EAF2: variants seen among roughly 807,000 people sequenced by gnomAD.
EAF2 encodes ELL-associated factor 2.
A neutral mutation model predicts 29.4 loss-of-function variants in EAF2; 29 were observed. That is an observed-to-expected ratio of 0.99 (90% CI 0.73 to 1.35). EAF2 has a LOEUF of 1.35. Ranked by LOEUF, EAF2 falls within the 40% of genes most tolerant of loss-of-function variation. The pLI is 0.00. For missense variants in EAF2, 292 were observed against 312.0 expected (o/e 0.94, Z 0.48); for synonymous variants, 103 against 102.5 (o/e 1.00, Z -0.03).
At chr3:121,841,519 AAAAAAAAAAAAAAAAAAAAAAAAAG>A (rs869285475) in intron 1 of EAF2, among the ~76,000 whole-genome samples, 28,187 of 73,716 alleles carry the variant, frequency 0.38, 4,154 homozygotes, top group African/African-American at 0.42. Flanking sequence ...AAAAAAAAAA[AAAAAAAAAAAAAAAAAAAAAAAAAG>A]AAAGAAAGAA....
chr3:121,869,552 C>T (rs1052937942), intron 4 of EAF2, among the ~76,000 whole-genome samples: 2 of 152,042 alleles, frequency 1.3e-5, no homozygotes, highest in Admixed American at 1.3e-4. Context: ...AATGAATTTA[C>T]TATAGATCCA....
intron 4 of EAF2, among the ~76,000 whole-genome samples, chr3:121,869,711 A>G (rs1708979493): frequency 1.3e-5 from 2 of 151,946 alleles, no homozygotes; most frequent in African/African-American, 4.8e-5. Context: ...TCTACAAAAA[A>G]AAAAATTTTT....
At chr3:121,840,548 G>C (rs1708399818) in intron 1 of EAF2, among the ~76,000 whole-genome samples, 1 of 145,776 alleles carries the variant, frequency 6.9e-6, no homozygotes, top group African/African-American at 2.6e-5. Flanking sequence ...GCTCACGCCT[G>C]TAATCCCAGC....
intron 3 of EAF2, among the ~76,000 whole-genome samples, chr3:121,855,788 G>C (rs991455984): frequency 6.6e-6 from 1 of 152,182 alleles, no homozygotes; most frequent in Non-Finnish European, 1.5e-5. Flanking sequence ...TAGAGGTAAG[G>C]TTGTAATTTT....
intron 5 of EAF2, among the ~76,000 whole-genome samples, chr3:121,873,352 T>G (rs1398976370): frequency 6.6e-6 from 1 of 151,872 alleles, no homozygotes. Flanking sequence ...TTATTTTCAA[T>G]GGCTGAAGTT....
intron 5 of EAF2, 102 bp from the exon 6 acceptor site, chr3:121,886,240 A>G (rs1709282111): frequency 1.6e-6 from 1 of 620,694 alleles, no homozygotes; most frequent in Non-Finnish European, 2.5e-6. Flanking sequence ...CTAGGTAAAC[A>G]GAATCACGCT....
intron 1 of EAF2, chr3:121,837,831 T>G (rs1490614771): frequency 6.6e-6 from 1 of 152,204 alleles, no homozygotes; most frequent in Non-Finnish European, 1.5e-5. Flanking sequence ...ATAAGCTGAA[T>G]GCTTAGCAAC....
intron 5 of EAF2, among the ~76,000 whole-genome samples, chr3:121,876,996 A>G (rs907136230): frequency 3.3e-5 from 5 of 150,936 alleles, no homozygotes; most frequent in Admixed American, 6.6e-5. Flanking sequence ...TAAAAACCAT[A>G]TGGAAAATAA....
chr3:121,878,155 A>G (rs1014671116), intron 5 of EAF2, among the ~76,000 whole-genome samples: 13 of 152,176 alleles, frequency 8.5e-5, no homozygotes, highest in Admixed American at 6.5e-5. Flanking sequence ...GAAAACTAAC[A>G]AAATAGACCA....
At chr3:121,875,976 C>T (rs1260105354) in intron 5 of EAF2, among the ~76,000 whole-genome samples, 6 of 151,812 alleles carry the variant, frequency 4.0e-5, no homozygotes, top group African/African-American at 1.5e-4. Flanking sequence ...AAACATTACA[C>T]AATAGGAAGT....
At chr3:121,884,391 G>C (rs898381011) in intron 5 of EAF2, among the ~76,000 whole-genome samples, 1 of 150,338 alleles carries the variant, frequency 6.7e-6, no homozygotes, top group Admixed American at 6.6e-5. Flanking sequence ...ATGAGAACCA[G>C]ATGCACAGAA....
intron 2 of EAF2, among the ~76,000 whole-genome samples, chr3:121,854,147 C>T (rs1708678478): frequency 6.6e-6 from 1 of 151,888 alleles, no homozygotes; most frequent in South Asian, 2.1e-4. Flanking sequence ...GAAACCCCGT[C>T]TCTACTAAAA....
At chr3:121,885,996 T>G (rs1181511688) in intron 5 of EAF2, among the ~76,000 whole-genome samples, 1 of 152,114 alleles carries the variant, frequency 6.6e-6, no homozygotes, top group Non-Finnish European at 1.5e-5. Flanking sequence ...AAAAATAACA[T>G]TTTTTTCACT....
At chr3:121,872,396 T>C in intron 4 of EAF2, 141 bp from the exon 5 acceptor site, 1 of 648,410 alleles carries the variant, frequency 1.5e-6, no homozygotes, top group Non-Finnish European at 2.5e-6. Context: ...GTTTTGTTTT[T>C]TAATAAAATG....
rs150797057 is a variant in EAF2 at position 121,837,383 on chromosome 3, A to G, written c.106+1992A>G. 3 of 152,262 alleles carry G rather than the reference A, an allele frequency of 2.0e-5. No individual in the cohort carries two copies. The East Asian group carries it at 5.8e-4, about 29-fold the overall frequency. 9.4% of individuals were successfully genotyped at this position (152,262 alleles called of 1,614,324 possible). A position where few individuals can be genotyped will look rare whatever the true frequency, so the allele number is the denominator to read the frequency against. On this transcript the variant is annotated intron_variant, in intron 1 of 5. Coordinates refer to ENST00000273668, the MANE Select transcript of EAF2 (RefSeq NM_018456.6). ...TAATTTATAACCAACCCTCAAGCCA[A>G]TGTCATTGGAGAGAAAGTAATATTC...
intron 4 of EAF2, among the ~76,000 whole-genome samples, chr3:121,871,828 C>T (rs542119384): frequency 9.9e-5 from 15 of 152,056 alleles, no homozygotes; most frequent in Non-Finnish European, 1.3e-4. Context: ...TGCCTCCACT[C>T]ATAAATAACT....
At position 121,886,485 on chromosome 3, in the gene EAF2, CTT is replaced by C. The variant is rs1050352432; in HGVS notation, c.*100_*101del. 1.2e-5 allele frequency: 7 copies of C among 607,254 alleles called. No individual in the cohort carries two copies. The African/African-American group carries it at 1.2e-4, about 10-fold the overall frequency. The allele number at this position is 607,254 out of a possible 1,614,324, so 37.6% of individuals were successfully genotyped here. A position where few individuals can be genotyped will look rare whatever the true frequency, so the allele number is the denominator to read the frequency against. On this transcript the variant is annotated 3_prime_UTR_variant, in exon 6 of 6. Coordinates refer to ENST00000273668, the MANE Select transcript of EAF2 (RefSeq NM_018456.6). ...TAAGACTGAGGGAAATATGTCTTAA[CTT>C]TTGATGATAAAAGAAATTAAATTTG... is the stretch of plus-strand genomic sequence containing the variant.
At chr3:121,856,437 C>G (rs1458256017) in intron 3 of EAF2, among the ~76,000 whole-genome samples, 1 of 151,810 alleles carries the variant, frequency 6.6e-6, no homozygotes, top group South Asian at 2.1e-4. Flanking sequence ...CCTCAGCCTC[C>G]GAAAGTGCTG....
chr3:121,851,448 A>G (rs1375148882), intron 2 of EAF2, among the ~76,000 whole-genome samples: 1 of 152,150 alleles, frequency 6.6e-6, no homozygotes, highest in East Asian at 1.9e-4. Flanking sequence ...TGGTGGGATT[A>G]CATGCATGAG....
Sources: allele counts gnomAD v4.1 joint callset (sites outside exome capture counted in the v4.1 genomes callset), GRCh38; gene constraint gnomAD v4.1.1; transcripts MANE v1.5; gene names NCBI Gene and HGNC (gene_info 2026-07-23, HGNC 2026-07-21).